The following MARCHF1 variants were observed in gnomAD, a reference collection of about 807,000 sequenced individuals.
MARCHF1 encodes membrane associated ring-CH-type finger 1.
MARCHF1 carries 40 observed loss-of-function variants against 54.2 expected under a neutral mutation model. The ratio of observed to expected loss-of-function variants is 0.74; its 90% confidence interval spans 0.57 to 0.96. The LOEUF (loss-of-function observed/expected upper bound fraction) is 0.96, where lower values mean the gene tolerates loss of function less well. Among genes scored for constraint, MARCHF1 ranks in the 40% least tolerant of loss-of-function variants. The pLI is 0.00. For synonymous variants in MARCHF1, 236 were observed against 236.3 expected, an observed-to-expected ratio of 1.00 and a Z score of 0.01; for missense variants, 586 against 656.5, an observed-to-expected ratio of 0.89 and a Z score of 1.17.
At chr4:163,781,125 T>C (rs1176361899) in intron 4 of MARCHF1, among the ~76,000 whole-genome samples, 1 of 149,194 alleles carries the variant, frequency 6.7e-6, no homozygotes, top group Non-Finnish European at 1.5e-5. Flanking sequence ...GCGGGGGGGG[T>C]GGATCACTTG....
chr4:164,265,454 C>T (rs1253821217), intron 1 of MARCHF1, among the ~76,000 whole-genome samples: 3 of 146,148 alleles, frequency 2.1e-5, no homozygotes, highest in South Asian at 2.2e-4. Context: ...CTGTACCTGG[C>T]TAATAGTAGG....
chr4:163,695,585 T>A (rs1430603970), intron 5 of MARCHF1, among the ~76,000 whole-genome samples: 1 of 152,198 alleles, frequency 6.6e-6, no homozygotes, highest in Non-Finnish European at 1.5e-5. Flanking sequence ...TGATGGAAAC[T>A]AACTGAAATA....
At chr4:163,936,869 C>T (rs1228722455) in intron 3 of MARCHF1, among the ~76,000 whole-genome samples, 1 of 152,170 alleles carries the variant, frequency 6.6e-6, no homozygotes, top group Non-Finnish European at 1.5e-5. Flanking sequence ...CAGGCTCAGC[C>T]TCTCCAAGAA....
rs372130287 is a variant in MARCHF1, at chr4:164,335,139, TAAATG to T, written c.-323+48726_-323+48730del. ...AAGTATTTAGAGTATTACACAAACT[TAAATG>T]AAAAGGCAGTGGCAGGGTTTGAGAG... is the stretch of plus-strand genomic sequence containing the variant. On this transcript the variant is annotated intron_variant, in intron 1 of 9. Transcript: ENST00000514618. 2.6e-4 allele frequency among the ~76,000 whole-genome samples: 40 copies of T among 152,322 alleles called. 4 individuals are homozygous for T. In the East Asian group the frequency reaches 3.7e-3, roughly 14 times the overall value.
intron 1 of MARCHF1, among the ~76,000 whole-genome samples, chr4:164,334,268 TAGAG>T (rs1004564226): frequency 9.2e-5 from 14 of 152,094 alleles, no homozygotes; most frequent in African/African-American, 2.2e-4. Flanking sequence ...GTTTCATAGA[TAGAG>T]AGAGAAGTCA....
chr4:163,551,213 A>C (rs922149097), intron 8 of MARCHF1, among the ~76,000 whole-genome samples: 1 of 152,228 alleles, frequency 6.6e-6, no homozygotes, highest in African/African-American at 2.4e-5. Flanking sequence ...TAGCTCATTA[A>C]TCACTAAAGC....
intron 1 of MARCHF1, among the ~76,000 whole-genome samples, chr4:164,317,953 C>G (rs1232223046): frequency 1.3e-5 from 2 of 152,060 alleles, no homozygotes; most frequent in African/African-American, 2.4e-5. Flanking sequence ...CACTTTTATC[C>G]AGGCTAAAAA....
chr4:163,560,534 T>G (rs75303567), intron 8 of MARCHF1, among the ~76,000 whole-genome samples: 37 of 152,302 alleles, frequency 2.4e-4, no homozygotes, highest in Non-Finnish European at 5.3e-4. Flanking sequence ...AGTTTAAAAT[T>G]ATTTTGGCAA....
chr4:163,974,619 C>G lies in MARCHF1; in HGVS notation c.-39+13882G>C, dbSNP rs1244814959. On this transcript the variant is annotated intron_variant, in intron 3 of 9. Transcript: ENST00000514618. ...ATAGGAGTATTTGTTTTAAGCTACTCAGTTTTAAAGTCATTTGTTATATAG... is the reference window on the plus strand; with the variant it reads ...ATAGGAGTATTTGTTTTAAGCTACTGAGTTTTAAAGTCATTTGTTATATAG... 2.6e-5 allele frequency among the ~76,000 whole-genome samples: 4 copies of G among 152,134 alleles called. No homozygotes were observed. In the East Asian group the frequency reaches 7.7e-4, roughly 29 times the overall value.
chr4:164,027,392 A>AAAAAAAAAAAAAAAAAAAAAAAAAAT lies in MARCHF1; in HGVS notation c.-247-38684_-247-38683insATTTTTTTTTTTTTTTTTTTTTTTTT, dbSNP rs1553971149. Among the ~76,000 whole-genome samples, 62 of 59,006 alleles carry AAAAAAAAAAAAAAAAAAAAAAAAAAT rather than the reference A, an allele frequency of 1.1e-3. 23 individuals carry two copies. The highest frequency in any genetic ancestry group is 1.8e-3 in the Non-Finnish European group (55 of 29,976). 38.7% of individuals were successfully genotyped at this position (59,006 alleles called of 152,430 possible). ...AAAAAAAAAAAAAAAAAAAAAAAAA[A>AAAAAAAAAAAAAAAAAAAAAAAAAAT]AGATACATAGATAAATGGATCTATA... On this transcript the variant is annotated intron_variant, in intron 2 of 9. Coordinates refer to ENST00000514618, the MANE Select transcript of MARCHF1 (RefSeq NM_001394959.1).
intron 5 of MARCHF1, among the ~76,000 whole-genome samples, chr4:163,641,486 C>T (rs13149834): frequency 0.32 from 48,131 of 151,912 alleles, 8,523 homozygotes; most frequent in Non-Finnish European, 0.41. Context: ...AGCATCTACT[C>T]TGTAATTACC....
rs1755898618 is a variant in MARCHF1 at position 164,114,413 on chromosome 4, A to T, written c.-322-2751T>A. On this transcript the variant is annotated intron_variant, in intron 1 of 9. Transcript: ENST00000514618. Reference sequence around the variant, plus strand: ...ATGCTTCCAGTATGATATGAATTACATAAACACAATTAGCATTTACCCATT... The same window carrying T: ...ATGCTTCCAGTATGATATGAATTACTTAAACACAATTAGCATTTACCCATT... Among the ~76,000 whole-genome samples the T allele has an allele frequency of 2.0e-5, 3 of 151,880 alleles. No individual in the cohort carries two copies. The South Asian group carries it at 6.2e-4, about 31-fold the overall frequency.
At chr4:163,817,898 G>C (rs1336641240) in intron 4 of MARCHF1, among the ~76,000 whole-genome samples, 1 of 143,526 alleles carries the variant, frequency 7.0e-6, no homozygotes, top group Non-Finnish European at 1.5e-5. Context: ...ACTCATAGAT[G>C]GGAATTGAAC....
chr4:164,176,970 CTCTCTCTCTCTATATATAT>C (rs1730694314), intron 1 of MARCHF1, among the ~76,000 whole-genome samples: 1 of 57,438 alleles, frequency 1.7e-5, no homozygotes, highest in Non-Finnish European at 3.1e-5. Context: ...CTCTCTCTCT[CTCTCTCTCTCTATATATAT>C]ATATATATAT....
intron 3 of MARCHF1, among the ~76,000 whole-genome samples, chr4:163,981,973 G>C (rs1258245678): frequency 1.3e-5 from 2 of 152,174 alleles, no homozygotes; most frequent in African/African-American, 2.4e-5. Flanking sequence ...ATACGGACCA[G>C]GGTGTGACGG....
At chr4:163,705,607 G>C (rs1744927359) in intron 4 of MARCHF1, among the ~76,000 whole-genome samples, 1 of 151,910 alleles carries the variant, frequency 6.6e-6, no homozygotes, top group Non-Finnish European at 1.5e-5. Flanking sequence ...ATTCTGGAAA[G>C]ATATTTGACA....
intron 2 of MARCHF1, among the ~76,000 whole-genome samples, chr4:164,047,438 G>T (rs1754266147): frequency 6.6e-6 from 1 of 152,140 alleles, no homozygotes; most frequent in African/African-American, 2.4e-5. Flanking sequence ...AATCCACATG[G>T]ACTTCTGACC....
intron 1 of MARCHF1, among the ~76,000 whole-genome samples, chr4:164,301,732 C>A (rs1468887259): frequency 6.6e-6 from 1 of 152,068 alleles, no homozygotes; most frequent in African/African-American, 2.4e-5. Context: ...AAAAGAATGT[C>A]AATGGTTCAT....
chr4:164,313,600 T>C (rs1050865472), intron 1 of MARCHF1, among the ~76,000 whole-genome samples: 7 of 152,150 alleles, frequency 4.6e-5, no homozygotes, highest in Admixed American at 3.9e-4. Context: ...CAGCTTCCTC[T>C]TTCTCTTCTT....
Sources: gnomAD v4.1 joint callset for allele counts (sites outside exome capture counted in the v4.1 genomes callset) on GRCh38, gnomAD v4.1.1 for gene constraint, MANE v1.5 for transcripts, NCBI Gene and HGNC (gene_info 2026-07-23, HGNC 2026-07-21) for gene names.